The following TRPM3 variants were observed in gnomAD, a reference collection of about 807,000 sequenced individuals.
TRPM3 encodes the protein long transient receptor potential channel 3.
Under a neutral mutation model 181.2 loss-of-function variants are expected in TRPM3, and 77 were observed. That is an observed-to-expected ratio of 0.42 (90% CI 0.35 to 0.51). TRPM3 has a LOEUF of 0.51. Ranked by LOEUF, TRPM3 falls within the 20% of genes least tolerant of loss-of-function variation. The probability of loss-of-function intolerance (pLI) is 0.01; values close to 1 mark genes in which losing one functional copy is unlikely to be tolerated. For missense variants in TRPM3, 1,759 were observed against 2,196.7 expected (o/e 0.80, Z 3.98); for synonymous variants, 745 against 796.4 (o/e 0.94, Z 1.09).
intron 9 of TRPM3, among the ~76,000 whole-genome samples, chr9:70,649,298 C>T (rs2059314041): frequency 6.6e-6 from 1 of 151,688 alleles, no homozygotes; most frequent in South Asian, 2.1e-4. Flanking sequence ...AAGCAATTCT[C>T]CTGCCTCAGC....
chr9:71,285,926 TATA>T (rs1194676146), intron 1 of TRPM3, among the ~76,000 whole-genome samples: 1 of 152,192 alleles, frequency 6.6e-6, no homozygotes, highest in Admixed American at 6.5e-5. Flanking sequence ...CAGGAAGACT[TATA>T]ATGTCACAGC....
At chr9:71,238,363 G>A (rs1453709227) in intron 1 of TRPM3, among the ~76,000 whole-genome samples, 3 of 152,056 alleles carry the variant, frequency 2.0e-5, no homozygotes, top group Non-Finnish European at 4.4e-5. Context: ...ACACACTGAT[G>A]TCAGATAAGT....
intron 8 of TRPM3, among the ~76,000 whole-genome samples, chr9:70,694,023 G>T (rs1352336476): frequency 6.6e-6 from 1 of 152,206 alleles, no homozygotes; most frequent in Non-Finnish European, 1.5e-5. Context: ...TGCCCCTTTG[G>T]CACCTTGCCT....
chr9:71,087,741 TA>T (rs1171476228), intron 1 of TRPM3, among the ~76,000 whole-genome samples: 2 of 152,088 alleles, frequency 1.3e-5, no homozygotes, highest in Non-Finnish European at 2.9e-5. Context: ...TTTTTAAACA[TA>T]GGCTGTTGCA....
At chr9:71,371,034 A>G (rs1327879913) in intron 1 of TRPM3, among the ~76,000 whole-genome samples, 1 of 151,496 alleles carries the variant, frequency 6.6e-6, no homozygotes, top group Non-Finnish European at 1.5e-5. Context: ...TTTACTGAAT[A>G]TTTTAAACCC....
chr9:70,837,043 C>G (rs1270491357), intron 5 of TRPM3, among the ~76,000 whole-genome samples: 4 of 152,196 alleles, frequency 2.6e-5, no homozygotes, highest in Non-Finnish European at 5.9e-5. Context: ...TTGGCTCTGT[C>G]TGGTATAATT....
At chr9:70,971,471 T>C (rs2097245569) in intron 1 of TRPM3, among the ~76,000 whole-genome samples, 1 of 151,992 alleles carries the variant, frequency 6.6e-6, no homozygotes, top group Non-Finnish European at 1.5e-5. Context: ...CACTACCCCA[T>C]CAAAACTTGT....
intron 6 of TRPM3, among the ~76,000 whole-genome samples, chr9:70,810,932 T>G (rs952012462): frequency 1.3e-5 from 2 of 152,180 alleles, no homozygotes; most frequent in African/African-American, 2.4e-5. Flanking sequence ...AAATAAATGC[T>G]CATTCCCTCC....
chr9:71,288,727 C>A (rs1172237045), intron 1 of TRPM3, among the ~76,000 whole-genome samples: 1 of 152,088 alleles, frequency 6.6e-6, no homozygotes, highest in Non-Finnish European at 1.5e-5. Context: ...GTACATCAGC[C>A]AATCCTGAGT....
At chr9:71,070,426 A>C (rs565156857) in intron 1 of TRPM3, among the ~76,000 whole-genome samples, 4 of 152,224 alleles carry the variant, frequency 2.6e-5, no homozygotes, top group Admixed American at 2.6e-4. Flanking sequence ...TTAGCTCTGC[A>C]CCAGGTTGTG....
At chr9:71,148,783 T>TAA (rs1175463271) in intron 1 of TRPM3, among the ~76,000 whole-genome samples, 2 of 151,964 alleles carry the variant, frequency 1.3e-5, no homozygotes, top group East Asian at 3.9e-4. Flanking sequence ...GAAGAGAGAG[T>TAA]AAGAACAGCA....
chr9:71,419,919 C>T (rs572515224), intron 1 of TRPM3, among the ~76,000 whole-genome samples: 1 of 152,002 alleles, frequency 6.6e-6, no homozygotes, highest in South Asian at 2.1e-4. Context: ...ATAATTCTGA[C>T]ATTCTGAACA....
intron 1 of TRPM3, among the ~76,000 whole-genome samples, chr9:71,128,662 T>A (rs2074197724): frequency 6.6e-6 from 1 of 152,194 alleles, no homozygotes; most frequent in Non-Finnish European, 1.5e-5. Context: ...ATTTTCATTA[T>A]GAAAGCCATA....
intron 1 of TRPM3, among the ~76,000 whole-genome samples, chr9:71,160,095 T>C (rs913516802): frequency 6.6e-6 from 1 of 152,168 alleles, no homozygotes; most frequent in Non-Finnish European, 1.5e-5. Context: ...GCTCTAGTTA[T>C]ACTGGCCTCC....
At chr9:70,633,986 G>T (rs890317382) in intron 12 of TRPM3, among the ~76,000 whole-genome samples, 24 of 152,170 alleles carry the variant, frequency 1.6e-4, no homozygotes, top group African/African-American at 5.5e-4. Flanking sequence ...TAAGGGTTCA[G>T]AACTCAAGCT....
chr9:70,991,173 C>T lies in TRPM3; in HGVS notation c.178-126662G>A, dbSNP rs1213978973. Reference sequence around the variant, plus strand: ...CTTCATATTGCCTAGAGAAGGGGCTCTTAACCTAGATTCATGGATAGAATT... The same window carrying T: ...CTTCATATTGCCTAGAGAAGGGGCTTTTAACCTAGATTCATGGATAGAATT... On this transcript the variant is annotated intron_variant, in intron 1 of 25. Coordinates refer to ENST00000677713, the MANE Select transcript of TRPM3 (RefSeq NM_001366145.2). Among the ~76,000 whole-genome samples, 3 of 152,162 alleles carry T rather than the reference C, an allele frequency of 2.0e-5. No individual in the cohort carries two copies. In the East Asian group the frequency reaches 5.8e-4, roughly 29 times the overall value.
At chr9:70,776,279 C>T in intron 7 of TRPM3, 1 of 557,828 alleles carries the variant, frequency 1.8e-6, no homozygotes, top group Middle Eastern at 3.0e-4. Context: ...GGTTAGGACT[C>T]TTTAAAGGCT....
At chr9:70,808,520 G>A in intron 6 of TRPM3, among the ~76,000 whole-genome samples, 1 of 152,148 alleles carries the variant, frequency 6.6e-6, no homozygotes, top group East Asian at 1.9e-4. Flanking sequence ...TTCCCTCAAA[G>A]TTATTTTTTT....
At chr9:71,037,874 G>T (rs1347995154) in intron 1 of TRPM3, among the ~76,000 whole-genome samples, 1 of 152,158 alleles carries the variant, frequency 6.6e-6, no homozygotes, top group East Asian at 1.9e-4. Context: ...GAAAAACCTG[G>T]ATAACATCAG....
Sources: allele counts gnomAD v4.1 joint callset (sites outside exome capture counted in the v4.1 genomes callset), GRCh38; gene constraint gnomAD v4.1.1; transcripts MANE v1.5; gene names NCBI Gene and HGNC (gene_info 2026-07-23, HGNC 2026-07-21).